HECW2: variants seen among roughly 807,000 people sequenced by gnomAD.
HECW2 encodes E3 ubiquitin-protein ligase HECW2.
In HECW2, 61 loss-of-function variants were observed where a neutral mutation model predicts 175.2. The observed-to-expected ratio is 0.35, with a 90% confidence interval of 0.28 to 0.43. The LOEUF is 0.43. Among genes scored for constraint, HECW2 ranks in the 20% least tolerant of loss-of-function variants. HECW2 has a pLI of 1.00. For missense variants in HECW2, 1,524 were observed against 2,000.5 expected, an observed-to-expected ratio of 0.76 and a Z score of 4.54; for synonymous variants, 671 against 731.0, an observed-to-expected ratio of 0.92 and a Z score of 1.32.
chr2:196,286,133 C>G (rs538985616), intron 14 of HECW2, among the ~76,000 whole-genome samples: 1 of 152,196 alleles, frequency 6.6e-6, no homozygotes, highest in South Asian at 2.1e-4. Flanking sequence ...ATTCTGTGAG[C>G]AGGTTGATGT....
chr2:196,412,425 G>A (rs778560210), intron 2 of HECW2, among the ~76,000 whole-genome samples: 6 of 152,174 alleles, frequency 3.9e-5, no homozygotes, highest in Non-Finnish European at 7.3e-5. Context: ...CACATTCTGA[G>A]GTACTGGGGT....
chr2:196,309,346 A>G (rs1264255537), intron 10 of HECW2, among the ~76,000 whole-genome samples: 1 of 152,216 alleles, frequency 6.6e-6, no homozygotes, highest in Non-Finnish European at 1.5e-5. Context: ...AAAGCACCAC[A>G]CAGACAGCAA....
At chr2:196,575,080 CAAAAAAAAAAAAAA>C (rs1164886570) in intron 1 of HECW2, among the ~76,000 whole-genome samples, 1 of 29,844 alleles carries the variant, frequency 3.4e-5, no homozygotes, top group Non-Finnish European at 5.8e-5. Context: ...GGCCTTGTCT[CAAAAAAAAAAAAAA>C]AAAAAAAAAA....
intron 2 of HECW2, among the ~76,000 whole-genome samples, chr2:196,346,817 G>C (rs1327260139): frequency 6.6e-6 from 1 of 151,750 alleles, no homozygotes; most frequent in Non-Finnish European, 1.5e-5. Flanking sequence ...TGGCCAACAT[G>C]GTGAAACCCT....
intron 1 of HECW2, among the ~76,000 whole-genome samples, chr2:196,569,588 T>C (rs751573454): frequency 9.2e-5 from 14 of 152,194 alleles, no homozygotes; most frequent in Non-Finnish European, 1.6e-4. Flanking sequence ...ATAAAGGTAC[T>C]AGATCCTAAC....
intron 1 of HECW2, among the ~76,000 whole-genome samples, chr2:196,523,026 T>C (rs1385116006): frequency 6.6e-6 from 1 of 151,678 alleles, no homozygotes; most frequent in East Asian, 1.9e-4. Flanking sequence ...ACGTCATTGG[T>C]AGCTTGATGG....
chr2:196,325,289 A>T, intron 5 of HECW2, 140 bp from the exon 6 acceptor site: 2 of 446,928 alleles, frequency 4.5e-6, no homozygotes, highest in Non-Finnish European at 3.8e-6. Flanking sequence ...CTCAAAGATA[A>T]TTTGTTCTTA....
intron 1 of HECW2, among the ~76,000 whole-genome samples, chr2:196,438,965 T>C (rs529633657): frequency 1.3e-5 from 2 of 152,214 alleles, no homozygotes; most frequent in African/African-American, 2.4e-5. Flanking sequence ...AGGTTTTCTA[T>C]ATATTCCTTT....
intron 18 of HECW2, among the ~76,000 whole-genome samples, chr2:196,256,367 TTATG>T (rs1413647653): frequency 2.0e-5 from 3 of 152,166 alleles, no homozygotes; most frequent in African/African-American, 7.2e-5. Flanking sequence ...GCCTTGCTCT[TTATG>T]TATGAATGAG....
intron 19 of HECW2, among the ~76,000 whole-genome samples, chr2:196,252,208 TAATAATAAG>T (rs1437845260): frequency 1.4e-5 from 2 of 144,896 alleles, no homozygotes; most frequent in Non-Finnish European, 3.0e-5. Context: ...ATAATAATAA[TAATAATAAG>T]GCTTCAATGA....
At chr2:196,438,062 G>T (rs1178420614) in intron 1 of HECW2, among the ~76,000 whole-genome samples, 1 of 152,200 alleles carries the variant, frequency 6.6e-6, no homozygotes, top group Non-Finnish European at 1.5e-5. Context: ...GATTCTGCAT[G>T]TTCCTAATAC....
At chr2:196,224,512 T>C (rs1350676392) in intron 23 of HECW2, among the ~76,000 whole-genome samples, 1 of 151,652 alleles carries the variant, frequency 6.6e-6, no homozygotes, top group Non-Finnish European at 1.5e-5. Flanking sequence ...GAGGGACTCA[T>C]GAAGGGACAG....
Position 196,220,075 on chromosome 2 carries a change from G to T in HECW2, c.4372C>A (p.Leu1458Ile). 1 of 1,612,440 alleles carries T rather than the reference G, an allele frequency of 6.2e-7. No homozygotes were observed. The highest frequency in any genetic ancestry group is 8.5e-7 in the Non-Finnish European group (1 of 1,178,824). ...LVIAGTAEID[L>I]SDWRNNTEYR... ...TCTGTGTTGTTTCTCCAATCACTTA[G>T]GTCTATTTCAGCTGTGCCTGCGATG... The change falls in exon 26 of 29, where the codon CTA becomes ATA. Residue 1458 changes from leucine to isoleucine, a missense_variant. Leu to Ile is a conservative substitution (Grantham distance 5). Coordinates refer to ENST00000644978, the MANE Select transcript of HECW2 (RefSeq NM_001348768.2).
At chr2:196,237,732 GC>G (rs1575271927) in intron 21 of HECW2, among the ~76,000 whole-genome samples, 2 of 152,208 alleles carry the variant, frequency 1.3e-5, no homozygotes, top group East Asian at 3.9e-4. Flanking sequence ...ATAATCAATA[GC>G]CTTGTATTTA....
intron 1 of HECW2, among the ~76,000 whole-genome samples, chr2:196,471,506 A>T (rs928732545): frequency 1.3e-5 from 2 of 152,236 alleles, no homozygotes; most frequent in Admixed American, 6.5e-5. Context: ...TCATAAAGAC[A>T]CATGCACATA....
At chr2:196,408,489 C>T (rs1250589492) in intron 2 of HECW2, among the ~76,000 whole-genome samples, 1 of 152,188 alleles carries the variant, frequency 6.6e-6, no homozygotes, top group African/African-American at 2.4e-5. Flanking sequence ...TTATCCCCCT[C>T]AGTCTCTGAA....
At chr2:196,564,473 A>G (rs575402806) in intron 1 of HECW2, among the ~76,000 whole-genome samples, 2 of 152,304 alleles carry the variant, frequency 1.3e-5, no homozygotes, top group South Asian at 2.1e-4. Flanking sequence ...GAAGTGTGGA[A>G]GTATTCAGGC....
At chr2:196,273,312 C>A (rs1479349576) in intron 16 of HECW2, among the ~76,000 whole-genome samples, 1 of 152,182 alleles carries the variant, frequency 6.6e-6, no homozygotes, top group East Asian at 1.9e-4. Context: ...TGTGATCTGC[C>A]CATCTCGGCC....
At chr2:196,291,313 C>T (rs1258872797) in intron 14 of HECW2, 2 of 152,178 alleles carry the variant, frequency 1.3e-5, no homozygotes, top group Non-Finnish European at 2.9e-5. Context: ...TTCTCCATTC[C>T]TGTCTTTCAC....
Sources: allele counts gnomAD v4.1 joint callset (sites outside exome capture counted in the v4.1 genomes callset), GRCh38; gene constraint gnomAD v4.1.1; transcripts MANE v1.5; gene names NCBI Gene and HGNC (gene_info 2026-07-23, HGNC 2026-07-21).